The following FMR1NB variants were observed in gnomAD, a reference collection of about 807,000 sequenced individuals.
FMR1NB encodes FMR1 neighbor, also known as FMR1 neighbor protein.
Under a neutral mutation model 16.8 loss-of-function variants are expected in FMR1NB, and 10 were observed. The ratio of observed to expected loss-of-function variants is 0.60; its 90% CI spans 0.37 to 1.01. The LOEUF (loss-of-function observed/expected upper bound fraction) is 1.01, where lower values mean the gene tolerates loss of function less well. Ranked by LOEUF, FMR1NB falls within the 50% of genes least tolerant of loss-of-function variation. The pLI is 0.01. For synonymous variants in FMR1NB, 83 were observed against 79.1 expected, an observed-to-expected ratio of 1.05 and a Z score of -0.26; for missense variants, 205 against 204.8, an observed-to-expected ratio of 1.00 and a Z score of 0.00.
At chrX:147,982,135 C>A (rs1445240551) in intron 1 of FMR1NB, among the ~76,000 whole-genome samples, 1 of 110,918 alleles carries the variant, frequency 9.0e-6, no homozygotes, top group African/African-American at 3.3e-5. Flanking sequence ...ACTAAAAATA[C>A]AAAAATTAGC....
At chrX:147,982,223 G>A (rs1327995965) in intron 1 of FMR1NB, among the ~76,000 whole-genome samples, 1 of 110,235 alleles carries the variant, frequency 9.1e-6, no homozygotes, top group Non-Finnish European at 1.9e-5. Context: ...TCGGGAGGTG[G>A]AGGTTGCAGT....
At chrX:147,996,679 A>G (rs1240492523) in intron 1 of FMR1NB, among the ~76,000 whole-genome samples, 1 of 111,966 alleles carries the variant, frequency 8.9e-6, no homozygotes, top group East Asian at 2.8e-4. Context: ...ATAGCAAAAC[A>G]TTAAACCAAG....
intron 1 of FMR1NB, among the ~76,000 whole-genome samples, chrX:147,994,952 C>G (rs2044534650): frequency 8.9e-6 from 1 of 112,132 alleles, no homozygotes; most frequent in Non-Finnish European, 1.9e-5. Context: ...TATTTGTGAT[C>G]TTGTTTGGAG....
intron 1 of FMR1NB, among the ~76,000 whole-genome samples, chrX:147,997,764 GA>G (rs371468339): frequency 2.9e-5 from 3 of 105,108 alleles, no homozygotes; most frequent in East Asian, 3.0e-4. Context: ...ATTTACAAGA[GA>G]AAAAAAAACC....
chrX:148,018,876 T>A (rs1057296651), intron 4 of FMR1NB, among the ~76,000 whole-genome samples: 11 of 109,749 alleles, frequency 1.0e-4, no homozygotes, highest in African/African-American at 2.6e-4. Context: ...CTACCATCAG[T>A]GTGAACAGGC....
At chrX:148,015,109 C>G (rs2044643511) in intron 4 of FMR1NB, among the ~76,000 whole-genome samples, 1 of 111,672 alleles carries the variant, frequency 9.0e-6, no homozygotes, top group African/African-American at 3.3e-5. Context: ...AATTTATTGG[C>G]ATATAGTTGC....
At chrX:147,986,546 A>G (rs1557187109) in intron 1 of FMR1NB, among the ~76,000 whole-genome samples, 1 of 112,095 alleles carries the variant, frequency 8.9e-6, no homozygotes, top group African/African-American at 3.2e-5. Flanking sequence ...ATGGCTAGCC[A>G]GTTTTCCCAA....
intron 1 of FMR1NB, among the ~76,000 whole-genome samples, chrX:147,995,361 C>T (rs1019670097): frequency 8.9e-5 from 10 of 112,222 alleles, no homozygotes; most frequent in South Asian, 3.7e-4. Flanking sequence ...CATTTCTAGA[C>T]GGACCCTAGT....
At chrX:147,998,685 T>C (rs1801376907) in intron 1 of FMR1NB, among the ~76,000 whole-genome samples, 1 of 112,840 alleles carries the variant, frequency 8.9e-6, no homozygotes, top group Admixed American at 9.3e-5. Flanking sequence ...GATATGTTAC[T>C]CATTTTTTTC....
chrX:148,021,708 A>G (rs2044679829), intron 4 of FMR1NB, among the ~76,000 whole-genome samples: 1 of 110,545 alleles, frequency 9.0e-6, no homozygotes, highest in Non-Finnish European at 1.9e-5. Flanking sequence ...ATTGTTATTC[A>G]CTCAAAACTG....
intron 4 of FMR1NB, among the ~76,000 whole-genome samples, chrX:148,011,061 C>T (rs2044621449): frequency 3.6e-5 from 4 of 110,493 alleles, no homozygotes; most frequent in South Asian, 7.7e-4. Flanking sequence ...GTCAGGAGTT[C>T]GAGACCAGCC....
chrX:147,984,108 G>A (rs2044464541), intron 1 of FMR1NB, among the ~76,000 whole-genome samples: 1 of 112,019 alleles, frequency 8.9e-6, no homozygotes, highest in Non-Finnish European at 1.9e-5. Flanking sequence ...ACATTCTTTT[G>A]ATTACTGCAG....
At chrX:148,009,486 A>G (rs1470417990) in intron 4 of FMR1NB, among the ~76,000 whole-genome samples, 2 of 109,712 alleles carry the variant, frequency 1.8e-5, no homozygotes, top group East Asian at 2.9e-4. Flanking sequence ...CAAAATGCCA[A>G]TGGACTACTA....
intron 4 of FMR1NB, among the ~76,000 whole-genome samples, chrX:148,015,518 C>A (rs1034642559): frequency 7.2e-5 from 8 of 111,638 alleles, no homozygotes; most frequent in Non-Finnish European, 1.5e-4. Flanking sequence ...TATCATGTTT[C>A]CATTATCAGT....
intron 4 of FMR1NB, among the ~76,000 whole-genome samples, chrX:148,014,787 GGCGTGT>G (rs2044641968): frequency 9.0e-6 from 1 of 111,214 alleles, no homozygotes; most frequent in Non-Finnish European, 1.9e-5. Flanking sequence ...CAGGACCACA[GGCGTGT>G]GCCACCACAC....
intron 4 of FMR1NB, among the ~76,000 whole-genome samples, chrX:148,018,639 G>C (rs1557190338): frequency 2.7e-5 from 3 of 110,842 alleles, no homozygotes; most frequent in Non-Finnish European, 3.8e-5. Flanking sequence ...AGCTGAAACT[G>C]GATCCCTTCC....
At chrX:147,999,083 G>T (rs2044557857) in intron 1 of FMR1NB, among the ~76,000 whole-genome samples, 1 of 111,828 alleles carries the variant, frequency 8.9e-6, no homozygotes, top group Admixed American at 9.5e-5. Context: ...ACATGATGGA[G>T]AGAAATCACA....
chrX:147,995,305 A>T (rs189529543), intron 1 of FMR1NB, among the ~76,000 whole-genome samples: 2 of 112,469 alleles, frequency 1.8e-5, no homozygotes, highest in East Asian at 5.6e-4. Context: ...CTGTAGAATT[A>T]TGGCAAAAGC....
intron 1 of FMR1NB, among the ~76,000 whole-genome samples, chrX:147,985,876 T>A (rs1289142278): frequency 8.9e-6 from 1 of 112,061 alleles, no homozygotes; most frequent in African/African-American, 3.2e-5. Flanking sequence ...TGGTTCTAGA[T>A]CCTTGAGGAA....
Sources: allele counts gnomAD v4.1 joint callset (sites outside exome capture counted in the v4.1 genomes callset), GRCh38; gene constraint gnomAD v4.1.1; transcripts MANE v1.5; gene names NCBI Gene and HGNC (gene_info 2026-07-23, HGNC 2026-07-21).